GALNT13: variants seen among roughly 807,000 people sequenced by gnomAD.
GALNT13 encodes polypeptide N-acetylgalactosaminyltransferase 13.
A neutral mutation model predicts 64.2 loss-of-function variants in GALNT13; 28 were observed. The observed-to-expected ratio is 0.44, with a 90% CI of 0.32 to 0.60. The LOEUF is 0.60. Ranked by LOEUF, GALNT13 falls within the 20% of genes least tolerant of loss-of-function variation. The pLI is 0.05. For missense variants in GALNT13, 577 were observed against 669.8 expected, an observed-to-expected ratio of 0.86 and a Z score of 1.53; for synonymous variants, 214 against 224.6, an observed-to-expected ratio of 0.95 and a Z score of 0.42.
chr2:153,869,945 C>T (rs1410460604), upstream of GALNT13, among the ~76,000 whole-genome samples: 5 of 151,986 alleles, frequency 3.3e-5, no homozygotes, highest in African/African-American at 7.3e-5. Context: ...CCTGCAACTA[C>T]GACTACTGCT....
the GALNT13 span, among the ~76,000 whole-genome samples, chr2:153,680,205 G>A: frequency 6.6e-6 from 1 of 151,778 alleles, no homozygotes; most frequent in East Asian, 1.9e-4. Flanking sequence ...AATGAGTGGA[G>A]TACATTGTAA....
At chr2:153,310,330 G>T in the GALNT13 span, among the ~76,000 whole-genome samples, 1 of 151,846 alleles carries the variant, frequency 6.6e-6, no homozygotes, top group South Asian at 2.1e-4. Context: ...AGCTTAACTT[G>T]GTCATGATAA....
At chr2:153,806,800 T>C in the GALNT13 span, among the ~76,000 whole-genome samples, 1 of 151,496 alleles carries the variant, frequency 6.6e-6, no homozygotes, top group South Asian at 2.1e-4. Flanking sequence ...AACAGGTAAA[T>C]AGTGAGGGAA....
intron 1 of GALNT13, among the ~76,000 whole-genome samples, chr2:153,880,954 T>TAAAAC (rs767897625): frequency 6.6e-5 from 10 of 151,978 alleles, no homozygotes; most frequent in South Asian, 2.1e-4. Flanking sequence ...TTGATTCTGG[T>TAAAAC]AAAACAAAAC....
At chr2:154,058,081 C>T (rs79382941) in intron 3 of GALNT13, among the ~76,000 whole-genome samples, 2 of 152,054 alleles carry the variant, frequency 1.3e-5, no homozygotes, top group Admixed American at 6.6e-5. Context: ...GAGATAGGAC[C>T]TTTATGAAGG....
chr2:153,322,058 GA>G, the GALNT13 span, among the ~76,000 whole-genome samples: 1 of 151,490 alleles, frequency 6.6e-6, no homozygotes. Context: ...AGGTTCAGGG[GA>G]TACATGTGAA....
At chr2:153,239,937 C>G in the GALNT13 span, among the ~76,000 whole-genome samples, 1 of 152,086 alleles carries the variant, frequency 6.6e-6, no homozygotes, top group Non-Finnish European at 1.5e-5. Flanking sequence ...AGCAGTGAAG[C>G]CTTCAGGTCT....
At chr2:154,153,679 C>T (rs1316011748) in intron 4 of GALNT13, among the ~76,000 whole-genome samples, 1 of 152,200 alleles carries the variant, frequency 6.6e-6, no homozygotes, top group Non-Finnish European at 1.5e-5. Context: ...GCAGTTTGAT[C>T]TCAGACTGCT....
the GALNT13 span, among the ~76,000 whole-genome samples, chr2:153,081,805 T>C: frequency 6.6e-6 from 1 of 152,320 alleles, no homozygotes; most frequent in African/African-American, 2.4e-5. Flanking sequence ...AATCTTAGTA[T>C]TGTAAACAGT....
chr2:153,819,413 A>G, the GALNT13 span, among the ~76,000 whole-genome samples: 80,704 of 152,026 alleles, frequency 0.53, 22,371 homozygotes, highest in Admixed American at 0.64. Context: ...GTTGCTGCCT[A>G]TCAAGGAAGG....
chr2:154,434,501 C>T (rs975835728), intron 11 of GALNT13, among the ~76,000 whole-genome samples: 56 of 152,198 alleles, frequency 3.7e-4, no homozygotes, highest in African/African-American at 1.3e-3. Context: ...CCTCGTGATC[C>T]ATGCGCCTGG....
chr2:154,321,468 C>CT (rs2105163357), intron 9 of GALNT13, among the ~76,000 whole-genome samples: 1 of 152,046 alleles, frequency 6.6e-6, no homozygotes, highest in East Asian at 1.9e-4. Flanking sequence ...TAAATTAAGA[C>CT]TTTAACAGAA....
the GALNT13 span, among the ~76,000 whole-genome samples, chr2:153,560,899 T>C: frequency 2.0e-5 from 3 of 152,098 alleles, no homozygotes; most frequent in Non-Finnish European, 4.4e-5. Flanking sequence ...CAAAATTAAC[T>C]TAGAATTAAC....
the GALNT13 span, among the ~76,000 whole-genome samples, chr2:153,679,201 C>T: frequency 6.6e-6 from 1 of 151,894 alleles, no homozygotes; most frequent in South Asian, 2.1e-4. Flanking sequence ...TAGAAAATAC[C>T]AGATACACAG....
the GALNT13 span, among the ~76,000 whole-genome samples, chr2:153,321,805 G>A: frequency 6.6e-6 from 1 of 152,158 alleles, no homozygotes; most frequent in South Asian, 2.1e-4. Flanking sequence ...TGTTTGGTAG[G>A]GATATGAAGT....
intron 9 of GALNT13, among the ~76,000 whole-genome samples, chr2:154,390,123 T>G (rs1405881797): frequency 6.6e-6 from 1 of 152,204 alleles, no homozygotes; most frequent in African/African-American, 2.4e-5. Flanking sequence ...GTTGAGCCAG[T>G]GTCATTATGA....
At chr2:154,208,868 A>C (rs1439093772) in intron 4 of GALNT13, among the ~76,000 whole-genome samples, 1 of 152,170 alleles carries the variant, frequency 6.6e-6, no homozygotes, top group Non-Finnish European at 1.5e-5. Flanking sequence ...TATTACCTTC[A>C]TTGAAGCACA....
chr2:153,247,925 G>A, the GALNT13 span, among the ~76,000 whole-genome samples: 5 of 152,118 alleles, frequency 3.3e-5, no homozygotes, highest in East Asian at 9.7e-4. Context: ...CAGAAAATAC[G>A]ATAAACAGCC....
chr2:153,667,481 TAAAGA>T, the GALNT13 span, among the ~76,000 whole-genome samples: 727 of 152,282 alleles, frequency 4.8e-3, 2 homozygotes, highest in African/African-American at 0.016. Flanking sequence ...TCAGCATTCT[TAAAGA>T]AAAGAAATTC....
Sources: gnomAD v4.1 joint callset for allele counts (sites outside exome capture counted in the v4.1 genomes callset) on GRCh38, gnomAD v4.1.1 for gene constraint, MANE v1.5 for transcripts, NCBI Gene and HGNC (gene_info 2026-07-23, HGNC 2026-07-21) for gene names.